The following RIMS3 variants were observed in gnomAD, a reference collection of about 807,000 sequenced individuals.
RIMS3 encodes regulating synaptic membrane exocytosis 3, also known as regulating synaptic membrane exocytosis protein 3.
Under a neutral mutation model 29.2 loss-of-function variants are expected in RIMS3, and 15 were observed. The observed-to-expected ratio is 0.51, with a 90% CI of 0.34 to 0.79. The LOEUF (loss-of-function observed/expected upper bound fraction) is 0.79. Ranked by LOEUF, RIMS3 falls within the 30% of genes least tolerant of loss-of-function variation. The pLI is 0.01. For synonymous variants in RIMS3, 161 were observed against 170.1 expected (o/e 0.95, Z 0.41); for missense variants, 342 against 421.4 (o/e 0.81, Z 1.65).
chr1:40,629,234 C>T (rs769553906), intron 6 of RIMS3, 37 bp downstream of exon 6: 9 of 1,547,172 alleles, frequency 5.8e-6, no homozygotes, highest in East Asian at 2.2e-5. Flanking sequence ...GGCTCTATGC[C>T]CCTCCCTGTC....
Position 40,621,938 on chromosome 1 carries a change from C to T in RIMS3, c.*4579G>A, listed in dbSNP as rs1646423170. 1 of 152,638 alleles carries T rather than the reference C, an allele frequency of 6.6e-6. No homozygotes were observed. Among genetic ancestry groups the T allele is most frequent in the Non-Finnish European group, 1.5e-5 (1 of 68,086 alleles). The allele number at this position is 152,638 out of a possible 1,614,324, so 9.5% of individuals were successfully genotyped here. On this transcript the variant is annotated 3_prime_UTR_variant, in exon 8 of 8. Transcript: ENST00000372684. ...GTTTCCCAAAGCAGAAACACTCATGCTTTTCAACAAGCACCTGCCCCAAGC... is the reference window on the plus strand; with the variant it reads ...GTTTCCCAAAGCAGAAACACTCATGTTTTTCAACAAGCACCTGCCCCAAGC...
intron 7 of RIMS3, among the ~76,000 whole-genome samples, chr1:40,628,263 C>A (rs560196570): frequency 7.8e-4 from 119 of 152,310 alleles, no homozygotes; most frequent in African/African-American, 2.8e-3. Context: ...ATCTATGAAA[C>A]GAGCATGAAG....
In RIMS3 at chr1:40,629,318, A is replaced by G. The variant is rs748106285; in HGVS notation, c.527T>C (p.Ile176Thr). The G allele has an allele frequency of 1.2e-6, 2 of 1,614,150 alleles. No homozygotes were observed. Among genetic ancestry groups the G allele is most frequent in the South Asian group, 2.2e-5 (2 of 91,084 alleles). ...DRSGQLEVEV[I>T]EARGLTPKPG... ...TTTGGGGGTCAGGCCCCGAGCTTCAATCACTTCCACCTCCAGCTGGCCACT... is the reference window on the plus strand; with the variant it reads ...TTTGGGGGTCAGGCCCCGAGCTTCAGTCACTTCCACCTCCAGCTGGCCACT... The change falls in exon 6 of 8, where the codon ATT becomes ACT. Residue 176 changes from isoleucine (I) to threonine (T), a missense_variant. Coordinates refer to ENST00000372684, the MANE Select transcript of RIMS3 (RefSeq NM_014747.3).
intron 2 of RIMS3, among the ~76,000 whole-genome samples, chr1:40,644,229 A>G (rs113161373): frequency 0.017 from 2,591 of 152,370 alleles, 30 homozygotes; most frequent in Middle Eastern, 0.051. Context: ...GATGTGAGAC[A>G]ATACATTTTC....
intron 3 of RIMS3, among the ~76,000 whole-genome samples, chr1:40,639,086 T>C (rs1017922068): frequency 1.3e-5 from 2 of 152,274 alleles, no homozygotes; most frequent in South Asian, 4.1e-4. Context: ...GGCAGAGGTC[T>C]AGCCATTGCA....
At chr1:40,666,192 G>A (rs564861199), upstream of RIMS3, among the ~76,000 whole-genome samples, 2 of 152,330 alleles carry the variant, frequency 1.3e-5, no homozygotes, top group South Asian at 4.1e-4. Context: ...ACAGAAGGAA[G>A]TAGAGTGGCC....
chr1:40,645,353 A>G (rs1646587584), intron 2 of RIMS3, among the ~76,000 whole-genome samples: 1 of 152,158 alleles, frequency 6.6e-6, no homozygotes, highest in African/African-American at 2.4e-5. Flanking sequence ...TGTATTGTAG[A>G]TAAGAAAACT....
intron 5 of RIMS3, among the ~76,000 whole-genome samples, chr1:40,631,772 A>T (rs554892207): frequency 1.7e-4 from 26 of 152,190 alleles, no homozygotes; most frequent in Admixed American, 1.2e-3. Flanking sequence ...GGAGTTCCAG[A>T]CTAGCCTGGC....
At chr1:40,680,423 C>G in the RIMS3 span, among the ~76,000 whole-genome samples, 1 of 149,382 alleles carries the variant, frequency 6.7e-6, no homozygotes, top group Non-Finnish European at 1.5e-5. Context: ...CCTCCGCCTT[C>G]TGGGTTCAAG....
intron 5 of RIMS3, among the ~76,000 whole-genome samples, chr1:40,631,842 C>T (rs2148345235): frequency 6.6e-6 from 1 of 151,492 alleles, no homozygotes; most frequent in South Asian, 2.1e-4. Flanking sequence ...CATGGTGGCA[C>T]ATGCCTGTAA....
intron 1 of RIMS3, among the ~76,000 whole-genome samples, chr1:40,652,770 T>C (rs1398981793): frequency 6.6e-6 from 1 of 152,220 alleles, no homozygotes; most frequent in African/African-American, 2.4e-5. Context: ...TTAGATGTAA[T>C]GCTTTACAGA....
intron 4 of RIMS3, among the ~76,000 whole-genome samples, chr1:40,634,093 G>A (rs1646505684): frequency 6.6e-6 from 1 of 152,128 alleles, no homozygotes. Context: ...ACAGATGAGG[G>A]AGGGTTGGCC....
intron 2 of RIMS3, among the ~76,000 whole-genome samples, chr1:40,643,478 CTTTTT>C (rs34292781): frequency 1.5e-5 from 2 of 133,602 alleles, no homozygotes; most frequent in Non-Finnish European, 3.1e-5. Flanking sequence ...ATCTTTCTCT[CTTTTT>C]TTTTTTTTTT....
chr1:40,673,475 G>A, the RIMS3 span: 1 of 152,134 alleles, frequency 6.6e-6, no homozygotes, highest in African/African-American at 2.4e-5. Flanking sequence ...ATAGGGTCAG[G>A]GCAAAGGGAC....
At chr1:40,678,497 C>T in the RIMS3 span, among the ~76,000 whole-genome samples, 1 of 152,208 alleles carries the variant, frequency 6.6e-6, no homozygotes, top group South Asian at 2.1e-4. Context: ...CTTCCCCGGC[C>T]CCTCTGTTTT....
chr1:40,628,852 C>T lies in RIMS3; in HGVS notation c.672G>A (p.Gln224=), dbSNP rs1192128971. Residue 224 remains glutamine, a synonymous_variant, in exon 7 of 8, where the codon CAG becomes CAA. Coordinates refer to ENST00000372684, the MANE Select transcript of RIMS3 (RefSeq NM_014747.3). ...GGGGTCCCTCGTCAAAGAGCAGAGC[C>T]TGCTGGTACAGGGGATCACAGGTCT... ...TKKTCDPLYQ[Q]ALLFDEGPQG... 1 of 1,614,168 alleles carries T rather than the reference C, an allele frequency of 6.2e-7. No individual in the cohort carries two copies. The highest frequency in any genetic ancestry group is 1.7e-5 in the Admixed American group (1 of 60,020).
rs1646512272 is a variant in RIMS3 at position 40,635,280 on chromosome 1, A to C, written c.359+636T>G. On this transcript the variant is annotated intron_variant, in intron 4 of 7. Transcript: ENST00000372684. The surrounding 1 kb of genome is among the most constrained non-coding windows in gnomAD (Gnocchi z 4.1). Reference sequence around the variant, plus strand: ...CAGTGACTTTCAGATTTTTTAATGCAACCTACATGTAAGAAAGGAGATTTA... The same window carrying C: ...CAGTGACTTTCAGATTTTTTAATGCCACCTACATGTAAGAAAGGAGATTTA... Among the ~76,000 whole-genome samples the C allele has an allele frequency of 6.6e-6, 1 of 152,234 alleles. No individual in the cohort carries two copies. Among genetic ancestry groups the C allele is most frequent in the African/African-American group, 2.4e-5 (1 of 41,454 alleles).
chr1:40,656,268 C>T (rs1439321335), intron 1 of RIMS3, among the ~76,000 whole-genome samples: 3 of 152,108 alleles, frequency 2.0e-5, no homozygotes, highest in Non-Finnish European at 2.9e-5. Context: ...TAAATTGACA[C>T]TTTTAACTTT....
intron 1 of RIMS3, among the ~76,000 whole-genome samples, chr1:40,655,229 A>G (rs1046797402): frequency 4.6e-5 from 7 of 152,188 alleles, no homozygotes; most frequent in African/African-American, 1.7e-4. Flanking sequence ...GCTCTGGGAC[A>G]TGAAGCCCCA....
Sources: allele counts gnomAD v4.1 joint callset (sites outside exome capture counted in the v4.1 genomes callset), GRCh38; gene constraint gnomAD v4.1.1; non-coding constraint Gnocchi (gnomAD v3.1); transcripts MANE v1.5; gene names NCBI Gene and HGNC (gene_info 2026-07-23, HGNC 2026-07-21).